Variants in TTLL5 observed in about 807,000 individuals in gnomAD.
TTLL5 encodes the protein tubulin tyrosine ligase like 5, also known as tubulin polyglutamylase TTLL5.
TTLL5 carries 132 observed loss-of-function variants against 168.4 expected under a neutral mutation model. The ratio of observed to expected loss-of-function variants is 0.78; its 90% confidence interval spans 0.68 to 0.91. The LOEUF (loss-of-function observed/expected upper bound fraction) is 0.91, where lower values mean the gene tolerates loss of function less well. TTLL5 is among the 40% of genes least tolerant of loss of function. The pLI is 0.00. For missense variants in TTLL5, 1,545 were observed against 1,581.5 expected (o/e 0.98, Z 0.39); for synonymous variants, 546 against 558.6 (o/e 0.98, Z 0.32).
At chr14:75,739,944 C>G (rs1432175114) in intron 15 of TTLL5, among the ~76,000 whole-genome samples, 1 of 152,180 alleles carries the variant, frequency 6.6e-6, no homozygotes, top group East Asian at 1.9e-4. Context: ...TTGCCATCAT[C>G]CACAAATGCT....
intron 12 of TTLL5, among the ~76,000 whole-genome samples, chr14:75,731,263 T>C (rs1888513958): frequency 6.6e-6 from 1 of 152,058 alleles, no homozygotes; most frequent in Non-Finnish European, 1.5e-5. Context: ...AGTGTGGTAG[T>C]GTTTACTTCT....
chr14:75,914,033 A>AAAAAAAAAAAATAT, intron 31 of TTLL5, among the ~76,000 whole-genome samples: 5 of 71,096 alleles, frequency 7.0e-5, no homozygotes, highest in African/African-American at 1.5e-4. Context: ...AAAAAAAAAA[A>AAAAAAAAAAAATAT]ATATATATAT....
intron 3 of TTLL5, among the ~76,000 whole-genome samples, chr14:75,672,464 T>G (rs1304415128): frequency 6.6e-6 from 1 of 151,982 alleles, no homozygotes; most frequent in Non-Finnish European, 1.5e-5. Context: ...AGGCTGGTTT[T>G]GAACTCCTGA....
intron 27 of TTLL5, among the ~76,000 whole-genome samples, chr14:75,808,229 C>T (rs1039108812): frequency 2.6e-4 from 40 of 152,004 alleles, no homozygotes; most frequent in African/African-American, 9.4e-4. Flanking sequence ...TATATATATA[C>T]GTATATTATG....
intron 21 of TTLL5, among the ~76,000 whole-genome samples, chr14:75,775,027 CT>C (rs539261075): frequency 0.025 from 3,531 of 141,006 alleles, 115 homozygotes; most frequent in African/African-American, 0.078. Flanking sequence ...GTGTTTCTAA[CT>C]TTTTTTTTTT....
chr14:75,805,270 T>C (rs1893583387), intron 27 of TTLL5, among the ~76,000 whole-genome samples: 2 of 152,252 alleles, frequency 1.3e-5, no homozygotes, highest in Non-Finnish European at 2.9e-5. Context: ...CTCTGAGAAA[T>C]CATTGCTTCC....
intron 26 of TTLL5, among the ~76,000 whole-genome samples, chr14:75,787,040 A>G (rs906307023): frequency 5.3e-5 from 8 of 151,954 alleles, no homozygotes; most frequent in Admixed American, 5.2e-4. Flanking sequence ...GGTTGAGGCA[A>G]GAGAATTGCT....
intron 15 of TTLL5, among the ~76,000 whole-genome samples, chr14:75,736,282 C>T (rs1348562531): frequency 6.6e-6 from 1 of 152,074 alleles, no homozygotes; most frequent in Non-Finnish European, 1.5e-5. Flanking sequence ...TCACTTTTTT[C>T]CTCCCTTCTT....
intron 27 of TTLL5, among the ~76,000 whole-genome samples, chr14:75,818,196 G>T (rs1413443738): frequency 1.3e-5 from 2 of 151,894 alleles, no homozygotes; most frequent in South Asian, 2.1e-4. Flanking sequence ...ATCTGTATTT[G>T]CCATAACAAC....
At chr14:75,812,681 G>GT (rs1257413942) in intron 27 of TTLL5, among the ~76,000 whole-genome samples, 1 of 152,128 alleles carries the variant, frequency 6.6e-6, no homozygotes. Flanking sequence ...CATTTCTGCT[G>GT]TTTTTTGGAA....
chr14:75,943,788 C>T (rs1236898592), intron 31 of TTLL5, among the ~76,000 whole-genome samples: 1 of 152,072 alleles, frequency 6.6e-6, no homozygotes, highest in East Asian at 1.9e-4. Flanking sequence ...AATAACTTTT[C>T]TCATATGTTT....
intron 30 of TTLL5, among the ~76,000 whole-genome samples, chr14:75,900,222 A>T (rs1297238292): frequency 1.3e-5 from 2 of 152,112 alleles, no homozygotes; most frequent in Non-Finnish European, 2.9e-5. Context: ...GGCTGATGGG[A>T]AAAGGGAGAA....
At chr14:75,873,366 G>A (rs913013732) in intron 29 of TTLL5, among the ~76,000 whole-genome samples, 4 of 152,240 alleles carry the variant, frequency 2.6e-5, no homozygotes, top group East Asian at 3.9e-4. Flanking sequence ...GAGCCACCAC[G>A]CCCGGCCCTC....
At chr14:75,745,653 C>A in intron 17 of TTLL5, 72 bp downstream of exon 17, 2 of 1,169,412 alleles carry the variant, frequency 1.7e-6, no homozygotes, top group Non-Finnish European at 1.3e-6. Flanking sequence ...GATACACTGT[C>A]ATCACTGCTC....
chr14:75,921,264 C>T (rs1467422662), intron 31 of TTLL5, among the ~76,000 whole-genome samples: 1 of 152,054 alleles, frequency 6.6e-6, no homozygotes, highest in African/African-American at 2.4e-5. Context: ...CTTTTGTTGC[C>T]ATTGCTTTTG....
intron 4 of TTLL5, 34 bp downstream of exon 4, chr14:75,681,661 T>G: frequency 6.3e-7 from 1 of 1,587,210 alleles, no homozygotes; most frequent in Non-Finnish European, 8.6e-7. Flanking sequence ...CCTGATCTGC[T>G]CATAAGCTGA....
intron 17 of TTLL5, among the ~76,000 whole-genome samples, 187 bp from the exon 18 acceptor site, chr14:75,752,706 T>C (rs933908980): frequency 1.4e-4 from 21 of 152,228 alleles, no homozygotes; most frequent in African/African-American, 4.3e-4. Flanking sequence ...TATTTGTTTC[T>C]ATTCTAGTAT....
At chr14:75,905,774 T>A (rs934298620) in intron 31 of TTLL5, among the ~76,000 whole-genome samples, 1 of 152,220 alleles carries the variant, frequency 6.6e-6, no homozygotes, top group African/African-American at 2.4e-5. Context: ...GATTTGATAA[T>A]GTAAACTACC....
chr14:75,702,124 C>T (rs930072673), intron 7 of TTLL5, among the ~76,000 whole-genome samples: 3 of 152,234 alleles, frequency 2.0e-5, no homozygotes, highest in African/African-American at 7.2e-5. Context: ...CCAGACCCTT[C>T]ATGCCAAAGA....
Sources: allele counts gnomAD v4.1 joint callset (sites outside exome capture counted in the v4.1 genomes callset), GRCh38; gene constraint gnomAD v4.1.1; transcripts MANE v1.5; gene names NCBI Gene and HGNC (gene_info 2026-07-23, HGNC 2026-07-21).